ZC3HAV1: variants seen among roughly 807,000 people sequenced by gnomAD.
The protein encoded by ZC3HAV1 is zinc finger CCCH-type antiviral protein 1.
ZC3HAV1 carries 41 observed loss-of-function variants against 86.6 expected under a neutral mutation model. The ratio of observed to expected loss-of-function variants is 0.47; its 90% CI spans 0.37 to 0.61. The LOEUF (loss-of-function observed/expected upper bound fraction) is 0.61. Ranked by LOEUF, ZC3HAV1 falls within the 20% of genes least tolerant of loss-of-function variation. ZC3HAV1 has a pLI of 0.00. For missense variants in ZC3HAV1, 964 were observed against 1,141.1 expected (o/e 0.84, Z 2.24); for synonymous variants, 421 against 432.1 (o/e 0.97, Z 0.32).
chr7:139,099,369 G>A (rs554136924), intron 1 of ZC3HAV1, among the ~76,000 whole-genome samples: 26 of 152,082 alleles, frequency 1.7e-4, no homozygotes, highest in Non-Finnish European at 3.2e-4. Context: ...AGATGAATAC[G>A]CCCACACAAA....
rs200143282 is a variant in ZC3HAV1, at chr7:139,053,572, C to T, written c.2328G>A (p.Ser776=). The change falls in exon 12 of 13, where the codon TCG becomes TCA. Residue 776 remains serine (S), a synonymous_variant. Transcript: ENST00000242351. ...ELLDKFTWKK[S]QMKEEGKLLF... ...GGAGTTTTCCTTCTTCCTTCATCTGCGATTTCTTCCTAATATAAGAGATGT... is the reference window on the plus strand; with the variant it reads ...GGAGTTTTCCTTCTTCCTTCATCTGTGATTTCTTCCTAATATAAGAGATGT... 30 of 1,594,478 alleles carry T rather than the reference C, an allele frequency of 1.9e-5. No homozygotes were observed. The highest frequency in any genetic ancestry group is 2.3e-5 in the South Asian group (2 of 87,774).
Position 139,109,001 on chromosome 7 carries a change from CCCCT to C in ZC3HAV1, c.308+19_308+22del. The stretch of plus-strand genomic sequence containing the variant: ...ACCCCGACCACGGCTGCGGACAGCG[CCCCT>C]CCCTCCGGGTGCACTCACCGCTCGG... On this transcript the variant is annotated intron_variant, in intron 1 of 12. Coordinates refer to ENST00000242351, the MANE Select transcript of ZC3HAV1 (RefSeq NM_020119.4). The C allele has an allele frequency of 6.6e-7, 1 of 1,524,194 alleles. No individual in the cohort carries two copies. Among genetic ancestry groups the C allele is most frequent in the Non-Finnish European group, 8.9e-7 (1 of 1,127,826 alleles). 94.4% of individuals were successfully genotyped at this position (1,524,194 alleles called of 1,614,324 possible). A position where few individuals can be genotyped will look rare whatever the true frequency, so the allele number is the denominator to read the frequency against.
intron 7 of ZC3HAV1, among the ~76,000 whole-genome samples, chr7:139,070,612 C>A (rs1357454056): frequency 2.8e-5 from 4 of 141,240 alleles, no homozygotes; most frequent in South Asian, 2.2e-4. Context: ...TGCAGTAAGC[C>A]GAGATCGCGC....
intron 1 of ZC3HAV1, among the ~76,000 whole-genome samples, chr7:139,103,481 C>T (rs1817838271): frequency 2.0e-5 from 3 of 152,098 alleles, no homozygotes; most frequent in Non-Finnish European, 2.9e-5. Context: ...AGTCTGATAA[C>T]ACCAAGCATT....
intron 1 of ZC3HAV1, among the ~76,000 whole-genome samples, chr7:139,102,962 GTATATGTATA>G (rs200330189): frequency 1.2e-4 from 18 of 147,714 alleles, no homozygotes; most frequent in East Asian, 6.0e-4. Flanking sequence ...ATATGTATAT[GTATATGTATA>G]TGTGTGTGTG....
intron 1 of ZC3HAV1, among the ~76,000 whole-genome samples, chr7:139,102,595 T>C (rs1411354021): frequency 6.6e-6 from 1 of 152,036 alleles, no homozygotes; most frequent in Non-Finnish European, 1.5e-5. Context: ...TATTTAACAG[T>C]AATAAATCAT....
rs1815950916 is a variant in ZC3HAV1, at chr7:139,046,176, C to T, written c.*1418G>A. On this transcript the variant is annotated 3_prime_UTR_variant, in exon 13 of 13. Transcript: ENST00000242351. ...GCACGTCAAGGGCTCTAAGTAAAAA[C>T]CGATGGCACTACAATTCCACATAAT... 6.6e-6 allele frequency: 1 copy of T among 152,098 alleles called. No homozygotes were observed. The highest frequency in any genetic ancestry group is 2.1e-4 in the South Asian group (1 of 4,830). The allele number at this position is 152,098 out of a possible 1,614,324, so 9.4% of individuals were successfully genotyped here. A position where few individuals can be genotyped will look rare whatever the true frequency, so the allele number is the denominator to read the frequency against.
intron 2 of ZC3HAV1, among the ~76,000 whole-genome samples, chr7:139,084,815 G>A (rs896465202): frequency 6.6e-6 from 1 of 152,210 alleles, no homozygotes; most frequent in Admixed American, 6.5e-5. Context: ...ACCATGAAAT[G>A]AGGAAACCAA....
At chr7:139,084,376 A>C (rs190692196) in intron 2 of ZC3HAV1, among the ~76,000 whole-genome samples, 1 of 152,372 alleles carries the variant, frequency 6.6e-6, no homozygotes, top group East Asian at 1.9e-4. Context: ...CTCACTTTGC[A>C]ATGAAAAGGA....
At chr7:139,084,838 G>A (rs970023844) in intron 2 of ZC3HAV1, among the ~76,000 whole-genome samples, 1 of 152,202 alleles carries the variant, frequency 6.6e-6, no homozygotes, top group Non-Finnish European at 1.5e-5. Flanking sequence ...TAATTAGTAA[G>A]AAACCTGAAT....
chr7:139,061,739 C>T (rs891986669), intron 8 of ZC3HAV1, among the ~76,000 whole-genome samples: 2 of 152,174 alleles, frequency 1.3e-5, no homozygotes, highest in Non-Finnish European at 2.9e-5. Flanking sequence ...GAAATGAAAA[C>T]CTGTATCCAC....
chr7:139,072,875 C>G (rs529942567), intron 7 of ZC3HAV1, among the ~76,000 whole-genome samples: 1 of 152,326 alleles, frequency 6.6e-6, no homozygotes, highest in South Asian at 2.1e-4. Context: ...TTTTCCAGCT[C>G]AAAGCAGTAG....
In ZC3HAV1 at chr7:139,109,513, A is replaced by G. The variant is rs1031480322; in HGVS notation, c.-182T>C. 11 of 744,010 alleles carry G rather than the reference A, an allele frequency of 1.5e-5. No individual in the cohort carries two copies. In the African/African-American group the frequency reaches 2.0e-4, roughly 13 times the overall value. 46.1% of individuals were successfully genotyped at this position (744,010 alleles called of 1,614,324 possible). On this transcript the variant is annotated 5_prime_UTR_variant, in exon 1 of 13. Coordinates refer to ENST00000242351, the MANE Select transcript of ZC3HAV1 (RefSeq NM_020119.4). ...GCCCAGCGATCCACTCTCGGCTCTC[A>G]GGTCAAGAGGCTAGATCTCACCGAC...
At chr7:139,105,744 A>G (rs991057868) in intron 1 of ZC3HAV1, among the ~76,000 whole-genome samples, 4 of 152,262 alleles carry the variant, frequency 2.6e-5, no homozygotes, top group African/African-American at 9.6e-5. Context: ...AGTAATGTCA[A>G]GATGGGTATC....
At chr7:139,076,144 A>AT in intron 6 of ZC3HAV1, 142 bp downstream of exon 6, 1 of 1,385,238 alleles carries the variant, frequency 7.2e-7, no homozygotes, top group African/African-American at 1.4e-5. Context: ...GGCATTTGCC[A>AT]TTTTTTATCT....
chr7:139,083,189 TA>T (rs956125549), intron 3 of ZC3HAV1, among the ~76,000 whole-genome samples: 2 of 146,086 alleles, frequency 1.4e-5, no homozygotes, highest in African/African-American at 4.9e-5. Context: ...TTCTTTTCCT[TA>T]AAAAAAAGCT....
chr7:139,068,036 ATT>A (rs890318387), intron 7 of ZC3HAV1, among the ~76,000 whole-genome samples: 2 of 83,458 alleles, frequency 2.4e-5, no homozygotes, highest in Non-Finnish European at 4.6e-5. Flanking sequence ...TATTATTATT[ATT>A]ATTATTATTA....
At chr7:139,076,159 A>C in intron 6 of ZC3HAV1, 127 bp downstream of exon 6, 2 of 1,431,392 alleles carry the variant, frequency 1.4e-6, no homozygotes, top group Non-Finnish European at 1.9e-6. Flanking sequence ...TTATCTCAAG[A>C]GGTATTTCAC....
At chr7:139,082,503 C>A (rs558395326) in intron 3 of ZC3HAV1, among the ~76,000 whole-genome samples, 1 of 152,092 alleles carries the variant, frequency 6.6e-6, no homozygotes, top group Non-Finnish European at 1.5e-5. Context: ...TGATTATATA[C>A]CCCCGAGGAA....
Sources: allele counts gnomAD v4.1 joint callset (sites outside exome capture counted in the v4.1 genomes callset), GRCh38; gene constraint gnomAD v4.1.1; transcripts MANE v1.5; gene names NCBI Gene and HGNC (gene_info 2026-07-23, HGNC 2026-07-21).